The following TRAPPC3 variants were observed in gnomAD, a reference collection of about 807,000 sequenced individuals.
TRAPPC3 encodes the protein trafficking protein particle complex 3.
A neutral mutation model predicts 18.2 loss-of-function variants in TRAPPC3; 5 were observed. The observed-to-expected ratio is 0.28, with a 90% CI of 0.14 to 0.58. The LOEUF is 0.58. Among genes scored for constraint, TRAPPC3 ranks in the 20% least tolerant of loss-of-function variants. The probability of loss-of-function intolerance (pLI) is 0.91; values close to 1 mark genes in which losing one functional copy is unlikely to be tolerated. For missense variants in TRAPPC3, 176 were observed against 225.9 expected, an observed-to-expected ratio of 0.78 and a Z score of 1.41; for synonymous variants, 65 against 84.2, an observed-to-expected ratio of 0.77 and a Z score of 1.25.
chr1:36,138,040 G>T, intron 3 of TRAPPC3, 62 bp from the exon 4 acceptor site: 1 of 1,609,646 alleles, frequency 6.2e-7, no homozygotes, highest in East Asian at 2.2e-5. Context: ...CACAGGGAAG[G>T]TGACAGAACT....
At chr1:36,139,928 A>C (rs1005427045) in intron 2 of TRAPPC3, 109 bp from the exon 3 acceptor site, 21 of 1,517,750 alleles carry the variant, frequency 1.4e-5, no homozygotes, top group Non-Finnish European at 1.8e-5. Flanking sequence ...AAAACATCCC[A>C]GTAAATGAGT....
upstream of TRAPPC3, among the ~76,000 whole-genome samples, chr1:36,153,809 A>C (rs1318440945): frequency 2.6e-5 from 4 of 152,138 alleles, no homozygotes; most frequent in Non-Finnish European, 5.9e-5. Context: ...CCCCACAGTC[A>C]ATCCCAAAGA....
upstream of TRAPPC3, among the ~76,000 whole-genome samples, chr1:36,150,334 C>T (rs980513522): frequency 6.6e-6 from 1 of 152,240 alleles, no homozygotes; most frequent in Non-Finnish European, 1.5e-5. Flanking sequence ...CAAACAGGCA[C>T]CAGAAACACG....
At chr1:36,143,253 T>TGG (rs549681486) in intron 1 of TRAPPC3, among the ~76,000 whole-genome samples, 1 of 142,176 alleles carries the variant, frequency 7.0e-6, no homozygotes, top group Non-Finnish European at 1.5e-5. Flanking sequence ...GTGTGTGTGT[T>TGG]GGGGGGGTGG....
At chr1:36,138,499 T>C (rs925271589) in intron 3 of TRAPPC3, among the ~76,000 whole-genome samples, 1 of 152,228 alleles carries the variant, frequency 6.6e-6, no homozygotes, top group African/African-American at 2.4e-5. Flanking sequence ...GATTTGGGTA[T>C]GACCAGCAAG....
In TRAPPC3 at chr1:36,137,948, G is replaced by C. The variant is rs1405723081; in HGVS notation, c.271C>G (p.Pro91Ala). 2.5e-6 allele frequency: 4 copies of C among 1,614,108 alleles called. No homozygotes were observed. Among genetic ancestry groups the C allele is most frequent in the Non-Finnish European group, 3.4e-6 (4 of 1,179,994 alleles). The change falls in exon 4 of 5, where the codon CCA becomes GCA. Residue 91 changes from proline (P) to alanine (A), a missense_variant. Physicochemically the swap from Pro to Ala is conservative, Grantham distance 27 (BLOSUM62 -1). Around this residue, in one of 2 missense-constraint regions of TRAPPC3, gnomAD observed 147 missense variants for 164.3 expected, o/e 0.89. Coordinates refer to ENST00000373166, the MANE Select transcript of TRAPPC3 (RefSeq NM_014408.5). ...VAFKMYLGIT[P>A]SITNWSPAGD... Reference sequence around the variant, plus strand: ...GCTGGGCTCCAATTAGTAATGCTTGGAGTGATGCCCAAGTACATCTTGAAC... The same window carrying C: ...GCTGGGCTCCAATTAGTAATGCTTGCAGTGATGCCCAAGTACATCTTGAAC...
upstream of TRAPPC3, among the ~76,000 whole-genome samples, chr1:36,149,988 T>A (rs1644256460): frequency 6.6e-6 from 1 of 152,244 alleles, no homozygotes; most frequent in Non-Finnish European, 1.5e-5. Context: ...GTCTTTCTCT[T>A]CAGACTGCCA....
chr1:36,140,096 T>G lies in TRAPPC3; in HGVS notation c.113A>C (p.Glu38Ala). ...TQLCKDYEND[E>A]DVNKQLDKMG... ...TTTGTCCAGCTGTTTATTCACATCT[T>G]CATCATTTTCATAGTCCTTACATAG... The change falls in exon 2 of 5, where the codon GAA becomes GCA. Residue 38 changes from glutamate to alanine, a missense_variant. By Grantham distance (107) the Glu-to-Ala change is moderately radical. This residue lies in a region of TRAPPC3 where 147 missense variants were observed against 164.3 expected (regional missense o/e 0.89). Coordinates refer to ENST00000373166, the MANE Select transcript of TRAPPC3 (RefSeq NM_014408.5). 6.2e-7 allele frequency: 1 copy of G among 1,603,998 alleles called. No homozygotes were observed. Among genetic ancestry groups the G allele is most frequent in the African/African-American group, 1.3e-5 (1 of 74,392 alleles).
upstream of TRAPPC3, chr1:36,149,641 T>A (rs113131583): frequency 4.7e-5 from 26 of 556,894 alleles, 1 homozygote; most frequent in African/African-American, 3.0e-4. Context: ...ACTCCCGGAG[T>A]GCTCCGCGCG....
chr1:36,143,799 C>G (rs1249196441), intron 1 of TRAPPC3, among the ~76,000 whole-genome samples: 1 of 152,182 alleles, frequency 6.6e-6, no homozygotes, highest in African/African-American at 2.4e-5. Flanking sequence ...CTTTGTTATC[C>G]TAAGCCACTG....
At chr1:36,141,162 AAAAG>A (rs953662531) in intron 1 of TRAPPC3, among the ~76,000 whole-genome samples, 3 of 93,542 alleles carry the variant, frequency 3.2e-5, no homozygotes, top group South Asian at 3.2e-4. Flanking sequence ...TGTCAAAAAA[AAAAG>A]AAGAATTCTG....
chr1:36,144,505 T>C (rs997920596), intron 1 of TRAPPC3, among the ~76,000 whole-genome samples: 1 of 151,436 alleles, frequency 6.6e-6, no homozygotes, highest in African/African-American at 2.4e-5. Flanking sequence ...ATAGAACAAA[T>C]TAGCTGGGCA....
chr1:36,151,317 G>A (rs1262297096), upstream of TRAPPC3, among the ~76,000 whole-genome samples: 1 of 152,108 alleles, frequency 6.6e-6, no homozygotes, highest in Non-Finnish European at 1.5e-5. Flanking sequence ...TAGCCCAGGA[G>A]TTTGAGACCA....
chr1:36,153,905 A>C (rs183566111), upstream of TRAPPC3, among the ~76,000 whole-genome samples: 8 of 152,270 alleles, frequency 5.3e-5, no homozygotes, highest in Admixed American at 4.6e-4. Context: ...GCTTGTTTCC[A>C]AGCATTTGGC....
At chr1:36,152,959 A>T (rs773064251), upstream of TRAPPC3, among the ~76,000 whole-genome samples, 19 of 152,190 alleles carry the variant, frequency 1.2e-4, no homozygotes, top group Non-Finnish European at 2.4e-4. Flanking sequence ...CAGGATAGGA[A>T]CATATTTCTG....
At position 36,140,148 on chromosome 1, in the gene TRAPPC3, G is replaced by C; in HGVS notation, c.61C>G (p.Leu21Val). ...TGGGTGACCAGGGCACCATAGGTCA[G>C]GGTGAAGAGCTCAGAGCTCTAAAAG... ...SKKMSSELFT[L>V]TYGALVTQLC... Residue 21 changes from leucine (L) to valine (V), a missense_variant, in exon 2 of 5, where the codon CTG becomes GTG. Around this residue, in one of 2 missense-constraint regions of TRAPPC3, gnomAD observed 147 missense variants for 164.3 expected, o/e 0.89. Coordinates refer to ENST00000373166, the MANE Select transcript of TRAPPC3 (RefSeq NM_014408.5). 1 of 1,597,886 alleles carries C rather than the reference G, an allele frequency of 6.3e-7. No individual in the cohort carries two copies. The highest frequency in any genetic ancestry group is 8.5e-7 in the Non-Finnish European group (1 of 1,175,410).
chr1:36,142,858 C>A (rs1213834452), intron 1 of TRAPPC3, among the ~76,000 whole-genome samples: 1 of 151,194 alleles, frequency 6.6e-6, no homozygotes, highest in Non-Finnish European at 1.5e-5. Context: ...CTGAGACCCC[C>A]AACTTTACAA....
upstream of TRAPPC3, among the ~76,000 whole-genome samples, chr1:36,153,734 C>T (rs750651535): frequency 6.6e-6 from 1 of 152,144 alleles, no homozygotes; most frequent in Non-Finnish European, 1.5e-5. Flanking sequence ...TCCTGGGGGG[C>T]AAAATTGCCC....
intron 3 of TRAPPC3, among the ~76,000 whole-genome samples, chr1:36,139,068 A>T (rs1011233580): frequency 2.0e-5 from 3 of 150,760 alleles, no homozygotes; most frequent in African/African-American, 7.3e-5. Flanking sequence ...AAAAAAAAAG[A>T]TGAGGTCACT....
Sources: allele counts gnomAD v4.1 joint callset (sites outside exome capture counted in the v4.1 genomes callset), GRCh38; gene constraint gnomAD v4.1.1; regional missense constraint gnomAD v4.1.1; transcripts MANE v1.5; gene names NCBI Gene and HGNC (gene_info 2026-07-23, HGNC 2026-07-21).